The following CAPN8 variants were observed in gnomAD, a reference collection of about 807,000 sequenced individuals.
CAPN8 encodes calpain-8.
A neutral mutation model predicts 80.9 loss-of-function variants in CAPN8; 87 were observed. The observed-to-expected ratio is 1.07, with a 90% CI of 0.90 to 1.28. The LOEUF (loss-of-function observed/expected upper bound fraction) is 1.28, where lower values mean the gene tolerates loss of function less well. Among genes scored for constraint, CAPN8 ranks in the 50% most tolerant of loss-of-function variants. The pLI, the probability that CAPN8 is intolerant of heterozygous loss-of-function variation, is 0.00. For missense variants in CAPN8, 757 were observed against 702.0 expected (o/e 1.08, Z -0.89); for synonymous variants, 299 against 273.8 (o/e 1.09, Z -0.91).
At chr1:223,652,792 G>C (rs890093045) in intron 2 of CAPN8, among the ~76,000 whole-genome samples, 2 of 152,088 alleles carry the variant, frequency 1.3e-5, no homozygotes, top group Non-Finnish European at 2.9e-5. Flanking sequence ...GCTCCCCGGG[G>C]CAGCCACCAC....
chr1:223,616,127 G>C lies in CAPN8; in HGVS notation c.1154C>G (p.Pro385Arg). ...QNYPATYWTN[P>R]QFKIRLDEVD... is the part of the protein sequence containing the mutation. ...TTCATCCAAACGGATTTTGAACTGG[G>C]GATTGGTCCAGTACGTGGCTGGAAG... is the stretch of plus-strand genomic sequence containing the variant. The change falls in exon 10 of 21, where the codon CCC becomes CGC. Residue 385 changes from proline to arginine, a missense_variant. Transcript: ENST00000366872. 6.4e-7 allele frequency: 1 copy of C among 1,551,510 alleles called. No homozygotes were observed. The highest frequency in any genetic ancestry group is 8.7e-7 in the Non-Finnish European group (1 of 1,146,752).
chr1:223,647,799 A>G (rs1056185763), intron 2 of CAPN8, among the ~76,000 whole-genome samples: 1 of 152,212 alleles, frequency 6.6e-6, no homozygotes, highest in African/African-American at 2.4e-5. Flanking sequence ...AATTATAATA[A>G]TGCTGTGCTT....
chr1:223,549,255 G>T, intron 16 of CAPN8, 63 bp downstream of exon 16: 1 of 1,533,552 alleles, frequency 6.5e-7, no homozygotes, highest in Non-Finnish European at 8.8e-7. Flanking sequence ...GGAAAAGGTG[G>T]AGGAGTCTTT....
intron 2 of CAPN8, among the ~76,000 whole-genome samples, chr1:223,642,301 C>T (rs1658064399): frequency 6.6e-6 from 1 of 152,146 alleles, no homozygotes. Context: ...TTTTTCTGAA[C>T]AATGGTAACG....
At chr1:223,549,833 T>C (rs1656735696) in intron 15 of CAPN8, among the ~76,000 whole-genome samples, 1 of 152,222 alleles carries the variant, frequency 6.6e-6, no homozygotes, top group African/African-American at 2.4e-5. Flanking sequence ...TGGCTAGGTA[T>C]TGTTATAAGC....
At chr1:223,612,171 C>A in intron 11 of CAPN8, 75 bp downstream of exon 11, 1 of 1,187,538 alleles carries the variant, frequency 8.4e-7, no homozygotes, top group Non-Finnish European at 1.1e-6. Flanking sequence ...GAAACAGACG[C>A]TGCTGGCTGC....
intron 16 of CAPN8, 53 bp downstream of exon 16, chr1:223,549,265 T>C: frequency 5.9e-6 from 9 of 1,534,884 alleles, no homozygotes; most frequent in Non-Finnish European, 7.9e-6. Flanking sequence ...GAGGAGTCTT[T>C]AAAAACCGGA....
intron 8 of CAPN8, among the ~76,000 whole-genome samples, 169 bp downstream of exon 8, chr1:223,620,023 C>T (rs1657336048): frequency 1.3e-5 from 2 of 152,100 alleles, no homozygotes; most frequent in Admixed American, 6.6e-5. Context: ...GTGCTTTAGA[C>T]GTGCTGGTAT....
At chr1:223,620,358 A>T in intron 7 of CAPN8, 92 bp from the exon 8 acceptor site, 1 of 1,140,566 alleles carries the variant, frequency 8.8e-7, no homozygotes, top group Middle Eastern at 2.0e-4. Flanking sequence ...CCTAAGAGCC[A>T]GAAACAAAAT....
chr1:223,618,427 G>A, intron 9 of CAPN8: 1 of 1,128,836 alleles, frequency 8.9e-7, no homozygotes, highest in African/African-American at 1.5e-5. Context: ...CGCATGCCCT[G>A]TGTGTGGCCA....
intron 1 of CAPN8, among the ~76,000 whole-genome samples, chr1:223,658,252 A>C (rs1178472070): frequency 6.6e-5 from 10 of 152,140 alleles, no homozygotes; most frequent in Non-Finnish European, 4.4e-5. Context: ...TTAGATTCAT[A>C]TCTAATAGGC....
intron 2 of CAPN8, among the ~76,000 whole-genome samples, chr1:223,641,359 C>CT (rs72015720): frequency 0.31 from 46,043 of 147,274 alleles, 7,848 homozygotes; most frequent in East Asian, 0.56. Context: ...CTGATCAAGC[C>CT]TTTTTTTAAA....
At chr1:223,551,727 C>T (rs895169958) in intron 14 of CAPN8, among the ~76,000 whole-genome samples, 2 of 152,180 alleles carry the variant, frequency 1.3e-5, no homozygotes, top group African/African-American at 2.4e-5. Flanking sequence ...TTAAGGAAGT[C>T]GTGATTTTGT....
chr1:223,654,460 G>A (rs753845305), intron 1 of CAPN8, 61 bp from the exon 2 acceptor site: 39 of 1,440,818 alleles, frequency 2.7e-5, no homozygotes, highest in Admixed American at 7.9e-5. Flanking sequence ...AGCAGCCTGG[G>A]GAAAGGAACA....
At chr1:223,654,509 T>C in intron 1 of CAPN8, 110 bp from the exon 2 acceptor site, 2 of 913,212 alleles carry the variant, frequency 2.2e-6, no homozygotes, top group South Asian at 1.5e-5. Flanking sequence ...AAACCCAGGA[T>C]TGTCTACTGC....
chr1:223,647,234 A>T (rs1268337515), intron 2 of CAPN8, among the ~76,000 whole-genome samples: 1 of 152,184 alleles, frequency 6.6e-6, no homozygotes, highest in Non-Finnish European at 1.5e-5. Flanking sequence ...GTGCATTGTG[A>T]TAGAAAAGTA....
At chr1:223,625,430 C>T (rs1055931583) in intron 6 of CAPN8, among the ~76,000 whole-genome samples, 1 of 152,034 alleles carries the variant, frequency 6.6e-6, no homozygotes, top group East Asian at 1.9e-4. Flanking sequence ...GTCAGAAGAA[C>T]CTTCTTTTAT....
chr1:223,612,369 G>T (rs1425550956), intron 10 of CAPN8, 112 bp from the exon 11 acceptor site: 2 of 947,472 alleles, frequency 2.1e-6, no homozygotes, highest in Non-Finnish European at 2.7e-6. Context: ...TGGGGCAACT[G>T]AGGAGACATT....
chr1:223,645,964 C>T (rs1571732620), intron 2 of CAPN8, among the ~76,000 whole-genome samples: 1 of 152,186 alleles, frequency 6.6e-6, no homozygotes, highest in African/African-American at 2.4e-5. Context: ...ATTCCATTCC[C>T]TAAGCCAGCA....
Sources: gnomAD v4.1 joint callset for allele counts (sites outside exome capture counted in the v4.1 genomes callset) on GRCh38, gnomAD v4.1.1 for gene constraint, MANE v1.5 for transcripts, NCBI Gene and HGNC (gene_info 2026-07-23, HGNC 2026-07-21) for gene names.